The following LRP1 variants were observed in gnomAD, a reference collection of about 807,000 sequenced individuals.
The protein encoded by LRP1 is LDL receptor related protein 1, also known as prolow-density lipoprotein receptor-related protein 1.
LRP1 carries 51 observed loss-of-function variants against 541.5 expected under a neutral mutation model. That is an observed-to-expected ratio of 0.09 (90% CI 0.08 to 0.12). The LOEUF (loss-of-function observed/expected upper bound fraction) is 0.12, where lower values mean the gene tolerates loss of function less well. Ranked by LOEUF, LRP1 falls within the 10% of genes least tolerant of loss-of-function variation. The probability of loss-of-function intolerance (pLI) is 1.00; values close to 1 mark genes in which losing one functional copy is unlikely to be tolerated. For synonymous variants in LRP1, 2,219 were observed against 2,470.8 expected, an observed-to-expected ratio of 0.90 and a Z score of 3.02; for missense variants, 3,878 against 6,376.2, an observed-to-expected ratio of 0.61 and a Z score of 13.34.
rs758377934 is a variant in LRP1, at chr12:57,197,365, A to G, written c.9143A>G (p.Asn3048Ser). 7 of 1,613,362 alleles carry G rather than the reference A, an allele frequency of 4.3e-6. No individual in the cohort carries two copies. The highest frequency in any genetic ancestry group is 5.9e-6 in the Non-Finnish European group (7 of 1,179,494). The change falls in exon 57 of 89, where the codon AAC becomes AGC. Residue 3048 changes from asparagine (N) to serine (S), a missense_variant. Around this residue, in one of 13 missense-constraint regions of LRP1, gnomAD observed 1,100 missense variants for 1,827.4 expected, o/e 0.60. Coordinates refer to ENST00000243077, the MANE Select transcript of LRP1 (RefSeq NM_002332.3). The surrounding 1 kb of genome is among the most constrained non-coding windows in gnomAD (Gnocchi z 4.5). ...CGCAAGCTCAACCTGGACGGGTCCAACTACACGTTACTTAAGCAGGTACCA... is the reference window on the plus strand; with the variant it reads ...CGCAAGCTCAACCTGGACGGGTCCAGCTACACGTTACTTAAGCAGGTACCA... Reference protein sequence around the residue: ...YLRKLNLDGSNYTLLKQGLNN... With the variant: ...YLRKLNLDGSSYTLLKQGLNN...
At position 57,154,267 on chromosome 12, in the gene LRP1, G is replaced by A. The variant is rs140165336; in HGVS notation, c.901G>A (p.Asp301Asn). 4.2e-5 allele frequency: 67 copies of A among 1,614,092 alleles called. No homozygotes were observed. The highest frequency in any genetic ancestry group is 5.1e-5 in the Non-Finnish European group (60 of 1,180,050). ...CAACTTCTACTTTGTGGATGACATC[G>A]ATGATAGGATCTTTGTCTGCAACAG... ...TGNFYFVDDI[D>N]DRIFVCNRNG... The change falls in exon 7 of 89, where the codon GAT becomes AAT. Residue 301 changes from aspartate to asparagine, a missense_variant. Physicochemically the swap from Asp to Asn is conservative, Grantham distance 23. Coordinates refer to ENST00000243077, the MANE Select transcript of LRP1 (RefSeq NM_002332.3). The surrounding 1 kb of genome is among the most constrained non-coding windows in gnomAD (Gnocchi z 4.6).
At chr12:57,188,409 T>C (rs1269885433) in intron 42 of LRP1, among the ~76,000 whole-genome samples, 1 of 152,132 alleles carries the variant, frequency 6.6e-6, no homozygotes, top group Non-Finnish European at 1.5e-5. Flanking sequence ...CGAACCCAGA[T>C]TCCCCCCACC....
In LRP1 at chr12:57,212,025, A is replaced by G; in HGVS notation, c.13349+8A>G. The stretch of plus-strand genomic sequence containing the variant: ...TAAGCGGCGAGTCCAAGGGTGAGTC[A>G]CAGGGATTCTGGAACATTCTGGTCA... On this transcript the variant is annotated splice_region_variant and intron_variant, in intron 87 of 88. Transcript: ENST00000243077. The surrounding 1 kb of genome is among the most constrained non-coding windows in gnomAD (Gnocchi z 5.0). 1 of 1,614,078 alleles carries G rather than the reference A, an allele frequency of 6.2e-7. No homozygotes were observed. The highest frequency in any genetic ancestry group is 8.5e-7 in the Non-Finnish European group (1 of 1,179,986).
chr12:57,207,684 G>C (rs944407815), intron 76 of LRP1, among the ~76,000 whole-genome samples: 1 of 152,250 alleles, frequency 6.6e-6, no homozygotes, highest in Non-Finnish European at 1.5e-5. Context: ...GCTGCAGGCA[G>C]CCCAGGGCAC....
At chr12:57,139,285 C>T (rs1294113249) in intron 2 of LRP1, among the ~76,000 whole-genome samples, 1 of 152,078 alleles carries the variant, frequency 6.6e-6, no homozygotes, top group African/African-American at 2.4e-5. Context: ...CTCTCTTGGG[C>T]TTTATCCTGC....
chr12:57,154,557 C>G lies in LRP1; in HGVS notation c.1083C>G (p.Leu361=). 3 of 1,614,172 alleles carry G rather than the reference C, an allele frequency of 1.9e-6. No homozygotes were observed. Among genetic ancestry groups the G allele is most frequent in the Non-Finnish European group, 2.5e-6 (3 of 1,180,018 alleles). ...TGGATGGGCAGAACCGCACCAAGCT[C>G]GTCGACAGCAAGATTGTGTTTCCTC... The part of the protein sequence containing the change: ...CDMDGQNRTK[L]VDSKIVFPHG... Residue 361 remains leucine, a synonymous_variant, in exon 8 of 89, where the codon CTC becomes CTG. Transcript: ENST00000243077. This position sits in a 1 kb window ranked among gnomAD's most constrained non-coding sequence, Gnocchi z 4.6.
rs549192251 is a variant in LRP1, at chr12:57,176,498, G to A, written c.3991+392G>A. 1.1e-4 allele frequency among the ~76,000 whole-genome samples: 16 copies of A among 152,320 alleles called. No homozygotes were observed. In the South Asian group the frequency reaches 2.5e-3, roughly 24 times the overall value. On this transcript the variant is annotated intron_variant, in intron 24 of 88. Transcript: ENST00000243077. Reference sequence around the variant, plus strand: ...AGTGAGTGCCCACTGTACACACTGGGCAGTGGGCATGCAGCAGTGATCAAA... The same window carrying A: ...AGTGAGTGCCCACTGTACACACTGGACAGTGGGCATGCAGCAGTGATCAAA...
rs1328173327 is a variant in LRP1 at position 57,160,966 on chromosome 12, G to A, written c.2053G>A (p.Asp685Asn). 5.6e-6 allele frequency: 9 copies of A among 1,609,350 alleles called. No homozygotes were observed. Among genetic ancestry groups the A allele is most frequent in the Non-Finnish European group, 7.6e-6 (9 of 1,178,420 alleles). Residue 685 changes from aspartate (D) to asparagine (N), a missense_variant, in exon 13 of 89, where the codon GAT becomes AAT. Physicochemically the swap from Asp to Asn is conservative, Grantham distance 23. Around this residue, in one of 13 missense-constraint regions of LRP1, gnomAD observed 496 missense variants for 861.0 expected, o/e 0.58. Transcript: ENST00000243077. ...RRGRLERAWM[D>N]GSHRDIFVTS... ...TGGGCGGCTGGAGAGGGCGTGGATGGATGGCTCACACCGAGACATCTTTGT... is the reference window on the plus strand; with the variant it reads ...TGGGCGGCTGGAGAGGGCGTGGATGAATGGCTCACACCGAGACATCTTTGT...
rs139365724 is a variant in LRP1 at position 57,185,111 on chromosome 12, G to C, written c.6369G>C (p.Gly2123=). 445 of 1,614,144 alleles carry C rather than the reference G, an allele frequency of 2.8e-4. 1 individual carries two copies. The African/African-American group carries it at 5.3e-3, about 19-fold the overall frequency. The change falls in exon 40 of 89, where the codon GGG becomes GGC. Residue 2123 remains glycine, a synonymous_variant. Coordinates refer to ENST00000243077, the MANE Select transcript of LRP1 (RefSeq NM_002332.3). This position sits in a 1 kb window ranked among gnomAD's most constrained non-coding sequence, Gnocchi z 4.9. ...ATGCCAACGGCTCTATCAAGCGCGG[G>C]AGCAAAGACAATGCCACAGACTCCG... The part of the protein sequence containing the change: ...RTHANGSIKR[G]SKDNATDSVP...
chr12:57,197,761 C>T lies in LRP1; in HGVS notation c.9282+97C>T, dbSNP rs2036569073. Reference sequence around the variant, plus strand: ...CCGCCCCACCAACCCAAATTGCTTCCTTCTCACTCCACTAGTCACTATATG... The same window carrying T: ...CCGCCCCACCAACCCAAATTGCTTCTTTCTCACTCCACTAGTCACTATATG... On this transcript the variant is annotated intron_variant, in intron 58 of 88. Transcript: ENST00000243077. The surrounding 1 kb of genome is among the most constrained non-coding windows in gnomAD (Gnocchi z 4.5). 7.1e-7 allele frequency: 1 copy of T among 1,411,166 alleles called. No individual in the cohort carries two copies. The highest frequency in any genetic ancestry group is 1.3e-5 in the South Asian group (1 of 79,768). 87.4% of individuals were successfully genotyped at this position (1,411,166 alleles called of 1,614,324 possible).
At chr12:57,199,446 C>T (rs775263050) in intron 61 of LRP1, 46 bp downstream of exon 61, 13 of 1,582,588 alleles carry the variant, frequency 8.2e-6, no homozygotes, top group South Asian at 6.7e-5. Flanking sequence ...AGCCAGGCAC[C>T]GGGGTCCCTG....
chr12:57,175,151 C>T (rs190382344), intron 22 of LRP1, among the ~76,000 whole-genome samples: 12 of 152,008 alleles, frequency 7.9e-5, no homozygotes, highest in Admixed American at 6.5e-5. Context: ...CTGGGGCCCC[C>T]GCCCTGGGCC....
At chr12:57,170,359 TG>T (rs2035921729) in intron 20 of LRP1, among the ~76,000 whole-genome samples, 1 of 152,172 alleles carries the variant, frequency 6.6e-6, no homozygotes, top group Non-Finnish European at 1.5e-5. Context: ...CCATACCAAC[TG>T]GCAGTTGATT....
In LRP1 at chr12:57,211,024, G is replaced by C; in HGVS notation, c.12916+145G>C. The C allele has an allele frequency of 5.1e-6, 7 of 1,369,180 alleles. No homozygotes were observed. The highest frequency in any genetic ancestry group is 6.9e-6 in the Non-Finnish European group (7 of 1,008,158). The allele number at this position is 1,369,180 out of a possible 1,614,324, so 84.8% of individuals were successfully genotyped here. ...TATGCAGCTGAGCCAGGCCCAAGCT[G>C]CTGGCGCTTCCCCACAAAGGTGCTG... is the stretch of plus-strand genomic sequence containing the variant. On this transcript the variant is annotated intron_variant, in intron 83 of 88. Coordinates refer to ENST00000243077, the MANE Select transcript of LRP1 (RefSeq NM_002332.3). This position sits in a 1 kb window ranked among gnomAD's most constrained non-coding sequence, Gnocchi z 4.3.
Position 57,128,727 on chromosome 12 carries a change from G to C in LRP1, c.-238G>C, listed in dbSNP as rs1176001253. On this transcript the variant is annotated 5_prime_UTR_variant, in exon 1 of 89. Transcript: ENST00000243077. ...CAGCGAGGAGTGAAGCGGGGGGGTG[G>C]GGTGAAGGGTTTGGATTTCGGGGCA... 3 of 421,436 alleles carry C rather than the reference G, an allele frequency of 7.1e-6. No homozygotes were observed. The highest frequency in any genetic ancestry group is 4.0e-5 in the Admixed American group (1 of 25,122). The allele number at this position is 421,436 out of a possible 1,614,324, so 26.1% of individuals were successfully genotyped here. A position where few individuals can be genotyped will look rare whatever the true frequency, so the allele number is the denominator to read the frequency against.
chr12:57,195,821 C>T (rs374017602), intron 53 of LRP1, 41 bp downstream of exon 53: 5 of 1,613,924 alleles, frequency 3.1e-6, no homozygotes, highest in Non-Finnish European at 4.2e-6. Flanking sequence ...CTGCCCTCTG[C>T]CGGGCCAGGG....
chr12:57,161,146 C>T (rs1168866788), intron 13 of LRP1, 31 bp downstream of exon 13: 3 of 1,600,268 alleles, frequency 1.9e-6, no homozygotes, highest in Admixed American at 3.3e-5. Flanking sequence ...GTGGGGGAAT[C>T]TGTGTGTGTT....
chr12:57,212,552 A>T lies in LRP1; in HGVS notation c.13632A>T (p.Ala4544=). 1 of 1,604,124 alleles carries T rather than the reference A, an allele frequency of 6.2e-7. No homozygotes were observed. Among genetic ancestry groups the T allele is most frequent in the African/African-American group, 1.3e-5 (1 of 74,898 alleles). Residue 4544 remains alanine, a synonymous_variant, in exon 89 of 89, where the codon GCA becomes GCT. Coordinates refer to ENST00000243077, the MANE Select transcript of LRP1 (RefSeq NM_002332.3). This position sits in a 1 kb window ranked among gnomAD's most constrained non-coding sequence, Gnocchi z 5.0. ...AGGACGAGATAGGGGACCCCTTGGC[A>T]TAGGGCCCTGCCCCGTCGGACTGCC... is the stretch of plus-strand genomic sequence containing the variant. ...GPEDEIGDPL[A] is the part of the protein sequence containing the mutation.
intron 78 of LRP1, 100 bp downstream of exon 78, chr12:57,208,917 G>A (rs746802772): frequency 3.2e-5 from 37 of 1,166,094 alleles, no homozygotes; most frequent in Non-Finnish European, 4.2e-5. Context: ...ATGGGATGGG[G>A]CTTGGACTGG....
Sources: gnomAD v4.1 joint callset for allele counts (sites outside exome capture counted in the v4.1 genomes callset) on GRCh38, gnomAD v4.1.1 for gene constraint, gnomAD v4.1.1 regional missense constraint, Gnocchi (gnomAD v3.1) non-coding constraint, MANE v1.5 for transcripts, NCBI Gene and HGNC (gene_info 2026-07-23, HGNC 2026-07-21) for gene names.